MSI1: variants seen among roughly 807,000 people sequenced by gnomAD.
MSI1 encodes the protein RNA-binding protein Musashi homolog 1.
MSI1 carries 15 observed loss-of-function variants against 54.4 expected under a neutral mutation model. The observed-to-expected ratio is 0.28, with a 90% confidence interval of 0.18 to 0.42. The LOEUF is 0.42. Among genes scored for constraint, MSI1 ranks in the 20% least tolerant of loss-of-function variants. The pLI, the probability that MSI1 is intolerant of heterozygous loss-of-function variation, is 1.00. For synonymous variants in MSI1, 200 were observed against 196.5 expected (o/e 1.02, Z -0.15); for missense variants, 304 against 506.0 (o/e 0.60, Z 3.83).
At chr12:120,347,563 T>G (rs367969843) in intron 11 of MSI1, 49 bp from the exon 12 acceptor site, 275 of 1,610,210 alleles carry the variant, frequency 1.7e-4, no homozygotes, top group Non-Finnish European at 2.2e-4. Flanking sequence ...GGGGCAGAGA[T>G]GGGTGAAGGA....
In MSI1 at chr12:120,348,667, T is replaced by C. The variant is rs1449420011; in HGVS notation, c.791-1153A>G. Among the ~76,000 whole-genome samples, 6 of 151,718 alleles carry C rather than the reference T, an allele frequency of 4.0e-5. 1 individual carries two copies. In the South Asian group the frequency reaches 1.3e-3, roughly 32 times the overall value. ...GGGAGGCCGAGGCGGGCGGATCACC[T>C]GAAGTCGGGAGTTCAAGTCCAGCCT... On this transcript the variant is annotated intron_variant, in intron 11 of 14. Coordinates refer to ENST00000257552, the MANE Select transcript of MSI1 (RefSeq NM_002442.4).
At chr12:120,343,536 T>C (rs576103584) in intron 14 of MSI1, among the ~76,000 whole-genome samples, 31 of 152,218 alleles carry the variant, frequency 2.0e-4, no homozygotes, top group Non-Finnish European at 4.1e-4. Context: ...ACTTTGCACT[T>C]TCTGTTCCCT....
intron 13 of MSI1, 145 bp from the exon 14 acceptor site, chr12:120,345,777 CG>C: frequency 2.1e-6 from 2 of 942,834 alleles, no homozygotes; most frequent in East Asian, 4.8e-5. Flanking sequence ...TCTGCCTACC[CG>C]GATCACCCCC....
chr12:120,355,056 A>G (rs1469801472), intron 9 of MSI1, among the ~76,000 whole-genome samples: 1 of 137,802 alleles, frequency 7.3e-6, no homozygotes, highest in African/African-American at 2.6e-5. Context: ...AAAAAAAAAA[A>G]GAGCATTATT....
intron 9 of MSI1, among the ~76,000 whole-genome samples, chr12:120,353,644 G>T (rs922831361): frequency 6.6e-6 from 1 of 152,176 alleles, no homozygotes; most frequent in Non-Finnish European, 1.5e-5. Flanking sequence ...CTTTTTGGCT[G>T]AGAATAATCC....
At chr12:120,346,443 C>T (rs1429211647) in intron 12 of MSI1, 121 bp from the exon 13 acceptor site, 12 of 1,027,252 alleles carry the variant, frequency 1.2e-5, no homozygotes, top group Non-Finnish European at 1.6e-5. Flanking sequence ...TCCTGTGGGC[C>T]CACCTCCTGG....
intron 13 of MSI1, among the ~76,000 whole-genome samples, chr12:120,345,855 TA>T (rs1874070700): frequency 1.3e-5 from 2 of 151,936 alleles, no homozygotes; most frequent in South Asian, 2.1e-4. Flanking sequence ...GTACCCTGGA[TA>T]AAACCAGGGC....
chr12:120,356,693 G>A (rs1426458907), intron 9 of MSI1, among the ~76,000 whole-genome samples: 1 of 152,178 alleles, frequency 6.6e-6, no homozygotes, highest in Non-Finnish European at 1.5e-5. Flanking sequence ...CCTTTCTGCT[G>A]GCTACCACCA....
downstream of MSI1, among the ~76,000 whole-genome samples, chr12:120,340,503 TCC>T (rs1238791404): frequency 1.3e-5 from 2 of 152,130 alleles, no homozygotes; most frequent in Non-Finnish European, 2.9e-5. Flanking sequence ...TCTTCATTTC[TCC>T]CTCTCTCTCT....
chr12:120,353,976 A>AT (rs925803449), intron 9 of MSI1, among the ~76,000 whole-genome samples: 13 of 151,288 alleles, frequency 8.6e-5, no homozygotes, highest in South Asian at 8.4e-4. Context: ...TTATATAATG[A>AT]TTTTTTTTTC....
intron 4 of MSI1, among the ~76,000 whole-genome samples, chr12:120,364,963 T>C (rs1334934852): frequency 6.6e-6 from 1 of 152,122 alleles, no homozygotes; most frequent in Non-Finnish European, 1.5e-5. Context: ...CAGGCTGGAG[T>C]GCAGTGGCAC....
chr12:120,358,134 C>T (rs143217689), intron 7 of MSI1, among the ~76,000 whole-genome samples: 12 of 152,314 alleles, frequency 7.9e-5, no homozygotes, highest in African/African-American at 2.9e-4. Flanking sequence ...CAAGGTCACA[C>T]AGCAAGTTAG....
At position 120,368,918 on chromosome 12, in the gene MSI1, C is replaced by G; in HGVS notation, c.60-45G>C. ...ACAAAGGGCCCGCGTGAGCGCCGGG[C>G]GCCAGGGCGCAGGGGGCGCGGGCCC... On this transcript the variant is annotated intron_variant, in intron 1 of 14. Transcript: ENST00000257552. The surrounding 1 kb of genome is among the most constrained non-coding windows in gnomAD (Gnocchi z 6.6). 7.4e-7 allele frequency: 1 copy of G among 1,348,212 alleles called. No individual in the cohort carries two copies. The highest frequency in any genetic ancestry group is 9.7e-7 in the Non-Finnish European group (1 of 1,031,300). The allele number at this position is 1,348,212 out of a possible 1,614,324, so 83.5% of individuals were successfully genotyped here. A position where few individuals can be genotyped will look rare whatever the true frequency, so the allele number is the denominator to read the frequency against.
chr12:120,351,226 G>T, intron 11 of MSI1, 118 bp downstream of exon 11: 1 of 1,003,940 alleles, frequency 1.0e-6, no homozygotes, highest in Non-Finnish European at 1.5e-6. Flanking sequence ...TGTCCCCACA[G>T]CCGGAGGGCT....
chr12:120,351,225 AGCCGGAGGGCTGGCGG>A, intron 11 of MSI1, 103 bp downstream of exon 11: 1 of 997,746 alleles, frequency 1.0e-6, no homozygotes, highest in Non-Finnish European at 1.5e-6. Context: ...GTGTCCCCAC[AGCCGGAGGGCTGGCGG>A]GCAGGAGAAA....
At chr12:120,362,128 A>G (rs1247844750) in intron 6 of MSI1, among the ~76,000 whole-genome samples, 1 of 147,672 alleles carries the variant, frequency 6.8e-6, no homozygotes, top group Non-Finnish European at 1.5e-5. Flanking sequence ...GGTCCCCCAC[A>G]CCACCAGCCT....
chr12:120,365,375 C>G (rs1044610782), intron 4 of MSI1, among the ~76,000 whole-genome samples: 1 of 152,142 alleles, frequency 6.6e-6, no homozygotes, highest in African/African-American at 2.4e-5. Context: ...GGGTCATCAG[C>G]AGATTATTGG....
chr12:120,345,732 CTCTCTACCT>C, intron 13 of MSI1, 100 bp from the exon 14 acceptor site: 1 of 1,407,028 alleles, frequency 7.1e-7, no homozygotes, highest in South Asian at 1.2e-5. Flanking sequence ...GCGCTGACCT[CTCTCTACCT>C]GTCCGGATCG....
At position 120,368,914 on chromosome 12, in the gene MSI1, CG is replaced by C; in HGVS notation, c.60-42del. The C allele has an allele frequency of 7.4e-7, 1 of 1,352,024 alleles. No homozygotes were observed. Among genetic ancestry groups the C allele is most frequent in the Non-Finnish European group, 9.7e-7 (1 of 1,033,440 alleles). 83.8% of individuals were successfully genotyped at this position (1,352,024 alleles called of 1,614,324 possible). On this transcript the variant is annotated intron_variant, in intron 1 of 14. Transcript: ENST00000257552. This position sits in a 1 kb window ranked among gnomAD's most constrained non-coding sequence, Gnocchi z 6.6. ...AGACACAAAGGGCCCGCGTGAGCGCCGGGCGCCAGGGCGCAGGGGGCGCGGG... is the reference window on the plus strand; with the variant it reads ...AGACACAAAGGGCCCGCGTGAGCGCCGGCGCCAGGGCGCAGGGGGCGCGGG...
Sources: gnomAD v4.1 joint callset for allele counts (sites outside exome capture counted in the v4.1 genomes callset) on GRCh38, gnomAD v4.1.1 for gene constraint, Gnocchi (gnomAD v3.1) non-coding constraint, MANE v1.5 for transcripts, NCBI Gene and HGNC (gene_info 2026-07-23, HGNC 2026-07-21) for gene names.